Variants in PDSS1 observed in about 807,000 individuals in gnomAD.
The protein encoded by PDSS1 is all trans-polyprenyl-diphosphate synthase PDSS1.
Under a neutral mutation model 57.5 loss-of-function variants are expected in PDSS1, and 43 were observed. The observed-to-expected ratio is 0.75, with a 90% CI of 0.59 to 0.96. The LOEUF (loss-of-function observed/expected upper bound fraction) is 0.96, where lower values mean the gene tolerates loss of function less well. PDSS1 is among the 50% of genes least tolerant of loss of function. The pLI is 0.00. For synonymous variants in PDSS1, 175 were observed against 191.3 expected (o/e 0.91, Z 0.70); for missense variants, 438 against 527.8 (o/e 0.83, Z 1.67).
intron 4 of PDSS1, among the ~76,000 whole-genome samples, chr10:26,707,405 A>C (rs545521138): frequency 6.6e-6 from 1 of 152,154 alleles, no homozygotes; most frequent in Admixed American, 6.5e-5. Context: ...CACAGTTAAC[A>C]ACTGCTTGAC....
intron 4 of PDSS1, 112 bp from the exon 5 acceptor site, chr10:26,709,526 A>G: frequency 1.9e-6 from 2 of 1,029,502 alleles, no homozygotes; most frequent in South Asian, 2.5e-5. Flanking sequence ...GTTCCATTGC[A>G]CTCCAGTCTG....
chr10:26,721,521 C>T (rs1835785232), intron 6 of PDSS1, among the ~76,000 whole-genome samples: 1 of 151,802 alleles, frequency 6.6e-6, no homozygotes, highest in Admixed American at 6.6e-5. Flanking sequence ...GTTTTGAAAT[C>T]GAGTCTTGCA....
chr10:26,716,696 A>C (rs950077936), intron 5 of PDSS1, among the ~76,000 whole-genome samples: 7 of 152,188 alleles, frequency 4.6e-5, no homozygotes. Context: ...ATCTCAAAAA[A>C]AAAAAAGATA....
rs1420783403 is a variant in PDSS1, at chr10:26,746,585, T to G, written c.*112T>G. On this transcript the variant is annotated 3_prime_UTR_variant, in exon 12 of 12. Transcript: ENST00000376215. ...GATAACCAAAAATCATTTTAAAAGA[T>G]ATCAAACTTATTGATGGGCAATTTA... 8.6e-7 allele frequency: 1 copy of G among 1,157,030 alleles called. No individual in the cohort carries two copies. Among genetic ancestry groups the G allele is most frequent in the Non-Finnish European group, 1.3e-6 (1 of 790,202 alleles). 71.7% of individuals were successfully genotyped at this position (1,157,030 alleles called of 1,614,324 possible).
chr10:26,726,558 G>A (rs759197542), intron 8 of PDSS1, among the ~76,000 whole-genome samples: 4 of 152,274 alleles, frequency 2.6e-5, no homozygotes, highest in Non-Finnish European at 4.4e-5. Context: ...CAAAAAGAGG[G>A]GAGGAGGAGA....
At chr10:26,728,242 A>C (rs1454525505) in intron 8 of PDSS1, among the ~76,000 whole-genome samples, 1 of 152,208 alleles carries the variant, frequency 6.6e-6, no homozygotes, top group Non-Finnish European at 1.5e-5. Flanking sequence ...CTGTAATCTC[A>C]GCACTTTGGG....
chr10:26,722,423 G>C (rs1985337), intron 6 of PDSS1, among the ~76,000 whole-genome samples: 2 of 152,118 alleles, frequency 1.3e-5, no homozygotes, highest in Non-Finnish European at 2.9e-5. Flanking sequence ...TAACACTTAC[G>C]GCTGGGTGTG....
rs1836305034 is a variant in PDSS1 at position 26,734,024 on chromosome 10, G to C, written c.832-1216G>C. On this transcript the variant is annotated intron_variant, in intron 8 of 11. Transcript: ENST00000376215. Reference sequence around the variant, plus strand: ...CACATTGAGTTCTAACCAGGTGCCAGGCAGTATACTGAGGGCTTAAATGCA... The same window carrying C: ...CACATTGAGTTCTAACCAGGTGCCACGCAGTATACTGAGGGCTTAAATGCA... Among the ~76,000 whole-genome samples, 3 of 152,144 alleles carry C rather than the reference G, an allele frequency of 2.0e-5. No homozygotes were observed. In the South Asian group the frequency reaches 6.2e-4, roughly 32 times the overall value.
intron 10 of PDSS1, among the ~76,000 whole-genome samples, 164 bp from the exon 11 acceptor site, chr10:26,742,333 A>G (rs1836649084): frequency 6.6e-6 from 1 of 152,270 alleles, no homozygotes; most frequent in South Asian, 2.1e-4. Flanking sequence ...CTCTTAGCTC[A>G]GCTTTTGTTG....
At position 26,711,657 on chromosome 10, in the gene PDSS1, T is replaced by G. The variant is rs1239126316; in HGVS notation, c.467+1889T>G. Among the ~76,000 whole-genome samples, 2 of 97,324 alleles carry G rather than the reference T, an allele frequency of 2.1e-5. 1 individual carries two copies. The allele number at this position is 97,324 out of a possible 152,430, so 63.8% of individuals were successfully genotyped here. A position where few individuals can be genotyped will look rare whatever the true frequency, so the allele number is the denominator to read the frequency against. ...TTCCGCAGCCTCGGGACTGTTGAAA[T>G]TTTGGGCCACATTGTTCTTTGTTGG... On this transcript the variant is annotated intron_variant, in intron 5 of 11. Transcript: ENST00000376215.
At chr10:26,742,448 C>T (rs547998745) in intron 10 of PDSS1, 49 bp from the exon 11 acceptor site, 2 of 1,334,520 alleles carry the variant, frequency 1.5e-6, no homozygotes, top group Admixed American at 3.4e-5. Flanking sequence ...CTTGTTTCTC[C>T]CAAGAGAAAT....
chr10:26,737,718 G>T (rs1397796479), intron 10 of PDSS1, among the ~76,000 whole-genome samples: 1 of 86,038 alleles, frequency 1.2e-5, no homozygotes, highest in Non-Finnish European at 2.0e-5. Flanking sequence ...GTGAGACTCC[G>T]TCTCAAAAAA....
At chr10:26,706,924 G>A (rs1037314049) in intron 4 of PDSS1, among the ~76,000 whole-genome samples, 4 of 152,234 alleles carry the variant, frequency 2.6e-5, no homozygotes, top group Non-Finnish European at 5.9e-5. Context: ...TAGAGCAGGA[G>A]AGAAAGTTTA....
chr10:26,746,212 T>TTAAC (rs1836892154), intron 11 of PDSS1, 121 bp from the exon 12 acceptor site: 1 of 1,007,224 alleles, frequency 9.9e-7, no homozygotes. Flanking sequence ...AGTTTGACTG[T>TTAAC]TAACTGTAAT....
chr10:26,741,068 A>G (rs1836584056), intron 10 of PDSS1, among the ~76,000 whole-genome samples: 1 of 150,114 alleles, frequency 6.7e-6, no homozygotes, highest in Non-Finnish European at 1.5e-5. Context: ...CATGGTTCTC[A>G]ACCTTGGCGG....
intron 8 of PDSS1, among the ~76,000 whole-genome samples, chr10:26,728,005 G>A (rs1836018585): frequency 6.6e-6 from 1 of 152,186 alleles, no homozygotes; most frequent in African/African-American, 2.4e-5. Flanking sequence ...CATACCAGGA[G>A]GCGCGTGCTG....
At chr10:26,731,565 G>T (rs1234361136) in intron 8 of PDSS1, among the ~76,000 whole-genome samples, 2 of 152,292 alleles carry the variant, frequency 1.3e-5, no homozygotes, top group African/African-American at 4.8e-5. Flanking sequence ...AATTGCACAT[G>T]TGGTTTTGTT....
intron 8 of PDSS1, among the ~76,000 whole-genome samples, chr10:26,728,772 A>ATT (rs1367100749): frequency 3.8e-5 from 3 of 79,158 alleles, no homozygotes; most frequent in African/African-American, 1.4e-4. Context: ...TTTATTCTGT[A>ATT]TCTTTTTTTT....
intron 11 of PDSS1, among the ~76,000 whole-genome samples, chr10:26,746,111 G>A: frequency 6.6e-6 from 1 of 152,142 alleles, no homozygotes; most frequent in East Asian, 1.9e-4. Context: ...TAGTTGCTTT[G>A]CATGCTAATA....
Sources: gnomAD v4.1 joint callset for allele counts (sites outside exome capture counted in the v4.1 genomes callset) on GRCh38, gnomAD v4.1.1 for gene constraint, MANE v1.5 for transcripts, NCBI Gene and HGNC (gene_info 2026-07-23, HGNC 2026-07-21) for gene names.